Variants in LIX1 observed in about 807,000 individuals in gnomAD.
LIX1 encodes the protein limb and CNS expressed 1.
In LIX1, 24 loss-of-function variants were observed where a neutral mutation model predicts 33.4. The ratio of observed to expected loss-of-function variants is 0.72; its 90% CI spans 0.52 to 1.01. LIX1 has a LOEUF of 1.01. LIX1 is among the 50% of genes least tolerant of loss of function. The probability of loss-of-function intolerance (pLI) is 0.00; values close to 1 mark genes in which losing one functional copy is unlikely to be tolerated. For synonymous variants in LIX1, 124 were observed against 124.0 expected, an observed-to-expected ratio of 1.00 and a Z score of 0.00; for missense variants, 311 against 339.2, an observed-to-expected ratio of 0.92 and a Z score of 0.65.
At chr5:97,136,449 T>C (rs1479303640) in intron 1 of LIX1, among the ~76,000 whole-genome samples, 4 of 152,164 alleles carry the variant, frequency 2.6e-5, no homozygotes, top group East Asian at 1.9e-4. Context: ...AAATCAACCA[T>C]TGGCAATCCA....
At chr5:97,105,167 A>G (rs1561491542) in intron 4 of LIX1, 23 bp downstream of exon 4, 1 of 1,598,184 alleles carries the variant, frequency 6.3e-7, no homozygotes, top group Admixed American at 1.7e-5. Context: ...AATCAAACAA[A>G]TATGTGGCAG....
At chr5:97,133,972 A>C (rs1368606971) in intron 1 of LIX1, among the ~76,000 whole-genome samples, 1 of 152,212 alleles carries the variant, frequency 6.6e-6, no homozygotes, top group Non-Finnish European at 1.5e-5. Context: ...ATCCATTATA[A>C]ATTTGACAGA....
intron 2 of LIX1, among the ~76,000 whole-genome samples, chr5:97,120,466 T>G (rs1163327648): frequency 6.6e-6 from 1 of 152,254 alleles, no homozygotes; most frequent in East Asian, 1.9e-4. Flanking sequence ...TAGAAAACAT[T>G]AAGCCTAGTA....
chr5:97,094,652 A>T lies in LIX1; in HGVS notation c.*96T>A. The T allele has an allele frequency of 8.7e-7, 1 of 1,152,192 alleles. No individual in the cohort carries two copies. Among genetic ancestry groups the T allele is most frequent in the Non-Finnish European group, 1.3e-6 (1 of 798,836 alleles). 71.4% of individuals were successfully genotyped at this position (1,152,192 alleles called of 1,614,324 possible). A position where few individuals can be genotyped will look rare whatever the true frequency, so the allele number is the denominator to read the frequency against. ...AGGGTTAGGAGAGCCTTCAGGTAGT[A>T]CTAGAGATGCTGGAGCCTCTGAGGA... On this transcript the variant is annotated 3_prime_UTR_variant, in exon 6 of 6. Transcript: ENST00000274382.
At chr5:97,103,625 C>G (rs1746835935) in intron 4 of LIX1, among the ~76,000 whole-genome samples, 2 of 152,198 alleles carry the variant, frequency 1.3e-5, no homozygotes, top group Non-Finnish European at 2.9e-5. Flanking sequence ...CTAACCAAGA[C>G]AGGCTACGTC....
At chr5:97,105,314 T>C (rs1441804636) in intron 3 of LIX1, 29 bp from the exon 4 acceptor site, 7 of 1,574,466 alleles carry the variant, frequency 4.4e-6, no homozygotes, top group African/African-American at 1.4e-5. Flanking sequence ...AAAAGAAAAA[T>C]TACTGATTTT....
intron 1 of LIX1, among the ~76,000 whole-genome samples, chr5:97,131,754 A>G (rs1430796541): frequency 6.6e-6 from 1 of 152,232 alleles, no homozygotes; most frequent in Non-Finnish European, 1.5e-5. Context: ...CTTTAGTGCA[A>G]TTGAATGAAC....
At chr5:97,137,882 C>T (rs1748205039) in intron 1 of LIX1, among the ~76,000 whole-genome samples, 1 of 152,086 alleles carries the variant, frequency 6.6e-6, no homozygotes, top group African/African-American at 2.4e-5. Flanking sequence ...CATAACTGTA[C>T]TAAAAAGCAT....
At position 97,092,212 on chromosome 5, in the gene LIX1, G is replaced by A. The variant is rs1746107363; in HGVS notation, c.*2536C>T. On this transcript the variant is annotated 3_prime_UTR_variant, in exon 6 of 6. Transcript: ENST00000274382. ...TGGGGGGTCCACATACTCTGGAACT[G>A]TGTAATGTGAATATGTATGTTTTGT... 2 of 152,318 alleles carry A rather than the reference G, an allele frequency of 1.3e-5. No individual in the cohort carries two copies. The highest frequency in any genetic ancestry group is 2.9e-5 in the Non-Finnish European group (2 of 68,036). The allele number at this position is 152,318 out of a possible 1,614,324, so 9.4% of individuals were successfully genotyped here.
intron 1 of LIX1, among the ~76,000 whole-genome samples, chr5:97,127,309 T>C (rs1256259604): frequency 6.6e-6 from 1 of 152,234 alleles, no homozygotes; most frequent in Non-Finnish European, 1.5e-5. Context: ...ACAAGAATTT[T>C]GGCATGTAAA....
chr5:97,107,981 T>G (rs1440234810), intron 2 of LIX1, among the ~76,000 whole-genome samples: 1 of 152,202 alleles, frequency 6.6e-6, no homozygotes, highest in Non-Finnish European at 1.5e-5. Context: ...TATAAGACCT[T>G]GAGTAGGTTC....
At chr5:97,100,514 AT>A (rs1746638620) in intron 4 of LIX1, among the ~76,000 whole-genome samples, 1 of 152,204 alleles carries the variant, frequency 6.6e-6, no homozygotes, top group East Asian at 1.9e-4. Flanking sequence ...ATATTTAAAT[AT>A]TTTCACATAT....
At chr5:97,128,988 A>G (rs867318148) in intron 1 of LIX1, among the ~76,000 whole-genome samples, 3 of 152,148 alleles carry the variant, frequency 2.0e-5, no homozygotes, top group African/African-American at 7.2e-5. Context: ...AAGTCCTTCT[A>G]TGGGTCCCTA....
chr5:97,131,634 G>T (rs1748058618), intron 1 of LIX1, among the ~76,000 whole-genome samples: 1 of 152,184 alleles, frequency 6.6e-6, no homozygotes, highest in South Asian at 2.1e-4. Flanking sequence ...AGCAACTCTG[G>T]CTCATTCTTC....
At chr5:97,135,840 AT>A (rs998703048) in intron 1 of LIX1, among the ~76,000 whole-genome samples, 5 of 152,162 alleles carry the variant, frequency 3.3e-5, no homozygotes, top group African/African-American at 9.6e-5. Flanking sequence ...AAATAAAAAA[AT>A]AAAAATAAAT....
intron 2 of LIX1, among the ~76,000 whole-genome samples, chr5:97,113,920 G>A (rs770929153): frequency 3.3e-5 from 5 of 152,134 alleles, no homozygotes; most frequent in Admixed American, 1.3e-4. Flanking sequence ...GGGGATAAAT[G>A]GTACTCACTG....
At chr5:97,119,835 T>C (rs1252088169) in intron 2 of LIX1, among the ~76,000 whole-genome samples, 2 of 151,944 alleles carry the variant, frequency 1.3e-5, no homozygotes, top group Non-Finnish European at 2.9e-5. Flanking sequence ...GATAGGAAAA[T>C]TTATACTTCT....
At chr5:97,096,655 G>A (rs1427675256) in intron 5 of LIX1, among the ~76,000 whole-genome samples, 155 bp downstream of exon 5, 1 of 152,150 alleles carries the variant, frequency 6.6e-6, no homozygotes, top group Non-Finnish European at 1.5e-5. Context: ...CAATGGGGCT[G>A]TTCTATATAT....
In LIX1 at chr5:97,142,531, A is replaced by C; in HGVS notation, c.46T>G (p.Leu16Val). The C allele has an allele frequency of 6.2e-7, 1 of 1,614,094 alleles. No homozygotes were observed. The highest frequency in any genetic ancestry group is 8.5e-7 in the Non-Finnish European group (1 of 1,179,944). The change falls in exon 1 of 6, where the codon TTG (leucine) becomes GTG (valine). Residue 16 changes from leucine to valine, a missense_variant. Coordinates refer to ENST00000274382, the MANE Select transcript of LIX1 (RefSeq NM_153234.5). ...ACTAGAGCCGGATCTCTGTGAGGCA[A>C]GACTTGGGCAATGATGTGTCTCAGA... is the stretch of plus-strand genomic sequence containing the variant. ...ESLRHIIAQV[L>V]PHRDPALVFK...
Sources: allele counts gnomAD v4.1 joint callset (sites outside exome capture counted in the v4.1 genomes callset), GRCh38; gene constraint gnomAD v4.1.1; transcripts MANE v1.5; gene names NCBI Gene and HGNC (gene_info 2026-07-23, HGNC 2026-07-21).